Variants in EYA4 observed in about 807,000 individuals in gnomAD.
EYA4 encodes protein phosphatase EYA4.
A neutral mutation model predicts 87.9 loss-of-function variants in EYA4; 31 were observed. That is an observed-to-expected ratio of 0.35 (90% CI 0.27 to 0.48). The LOEUF is 0.48. Ranked by LOEUF, EYA4 falls within the 20% of genes least tolerant of loss-of-function variation. The pLI is 0.99. For missense variants in EYA4, 678 were observed against 761.4 expected (o/e 0.89, Z 1.29); for synonymous variants, 263 against 270.6 (o/e 0.97, Z 0.28).
chr6:133,513,112 A>G, intron 16 of EYA4, 74 bp downstream of exon 16: 2 of 1,402,900 alleles, frequency 1.4e-6, no homozygotes, highest in Non-Finnish European at 2.0e-6. Flanking sequence ...TTCATGTTAA[A>G]GATGATTCTG....
intron 3 of EYA4, among the ~76,000 whole-genome samples, chr6:133,446,330 A>AT (rs1792839955): frequency 6.6e-6 from 1 of 151,994 alleles, no homozygotes; most frequent in Admixed American, 6.6e-5. Flanking sequence ...TAACATGTTT[A>AT]TTTTTGTGTT....
chr6:133,455,579 A>G (rs1370202974), intron 5 of EYA4, among the ~76,000 whole-genome samples: 1 of 152,112 alleles, frequency 6.6e-6, no homozygotes, highest in Non-Finnish European at 1.5e-5. Context: ...GTACCCTATG[A>G]CTGACTGTTC....
chr6:133,361,535 T>C (rs1187288412), intron 2 of EYA4, among the ~76,000 whole-genome samples: 1 of 152,158 alleles, frequency 6.6e-6, no homozygotes. Flanking sequence ...CCAGCATCTG[T>C]GAAATTGTGG....
chr6:133,529,937 TA>T lies in EYA4; in HGVS notation c.*1135del. 2.0e-6 allele frequency: 2 copies of T among 985,348 alleles called. No homozygotes were observed. The highest frequency in any genetic ancestry group is 2.4e-6 in the Non-Finnish European group (2 of 829,878). The allele number at this position is 985,348 out of a possible 1,614,324, so 61.0% of individuals were successfully genotyped here. ...ATGCAAATCATGAGCAATTATCACA[TA>T]AACTTTTTTAGAATGTGCCATGAAC... is the stretch of plus-strand genomic sequence containing the variant. On this transcript the variant is annotated 3_prime_UTR_variant, in exon 20 of 20. Coordinates refer to ENST00000355286, the MANE Select transcript of EYA4 (RefSeq NM_004100.5).
At chr6:133,388,331 TG>T (rs925672332) in intron 3 of EYA4, among the ~76,000 whole-genome samples, 21 of 147,370 alleles carry the variant, frequency 1.4e-4, no homozygotes, top group African/African-American at 5.3e-4. Flanking sequence ...CGCTTGAACC[TG>T]GGGGGCGGAG....
intron 2 of EYA4, among the ~76,000 whole-genome samples, chr6:133,357,270 CAAAAAAAAAAA>C (rs754202361): frequency 9.2e-5 from 6 of 65,320 alleles, no homozygotes; most frequent in African/African-American, 4.0e-4. Context: ...GACTCCGTCT[CAAAAAAAAAAA>C]AAAAAAAAAA....
At chr6:133,506,997 T>C (rs1470273952) in intron 14 of EYA4, among the ~76,000 whole-genome samples, 1 of 151,288 alleles carries the variant, frequency 6.6e-6, no homozygotes, top group South Asian at 2.1e-4. Flanking sequence ...CTCTTTCATT[T>C]TTTTTCAGAT....
intron 2 of EYA4, among the ~76,000 whole-genome samples, chr6:133,354,379 G>A (rs1212522225): frequency 6.6e-6 from 1 of 152,018 alleles, no homozygotes; most frequent in Non-Finnish European, 1.5e-5. Flanking sequence ...TGACATTGTT[G>A]AAAAGTCATA....
intron 1 of EYA4, among the ~76,000 whole-genome samples, chr6:133,258,205 G>T (rs1027162932): frequency 3.3e-5 from 5 of 152,124 alleles, no homozygotes; most frequent in Non-Finnish European, 7.3e-5. Flanking sequence ...GGGGCATAGA[G>T]TGGGGACGAG....
chr6:133,334,181 A>G (rs1459902774), intron 2 of EYA4, among the ~76,000 whole-genome samples: 1 of 152,250 alleles, frequency 6.6e-6, no homozygotes, highest in Admixed American at 6.5e-5. Context: ...CTTACAAGAC[A>G]ACAGAAATTC....
intron 3 of EYA4, among the ~76,000 whole-genome samples, chr6:133,399,927 T>C (rs186359800): frequency 6.6e-6 from 1 of 152,298 alleles, no homozygotes; most frequent in Non-Finnish European, 1.5e-5. Flanking sequence ...TGGGAAAACA[T>C]AGAAGGAACA....
At chr6:133,487,285 G>T (rs1796763004) in intron 13 of EYA4, among the ~76,000 whole-genome samples, 1 of 152,184 alleles carries the variant, frequency 6.6e-6, no homozygotes, top group Non-Finnish European at 1.5e-5. Flanking sequence ...GTGCTCTGGG[G>T]TCCAGGCAGT....
intron 2 of EYA4, among the ~76,000 whole-genome samples, chr6:133,306,016 G>A (rs542696260): frequency 4.0e-4 from 61 of 152,022 alleles, no homozygotes; most frequent in African/African-American, 1.4e-3. Context: ...CTTCTAAATG[G>A]TATGTTTGAT....
chr6:133,300,364 T>C (rs1304066104), intron 2 of EYA4, among the ~76,000 whole-genome samples: 2 of 152,138 alleles, frequency 1.3e-5, no homozygotes, highest in Non-Finnish European at 2.9e-5. Context: ...CATCTACTGT[T>C]AAATATTAAT....
intron 2 of EYA4, among the ~76,000 whole-genome samples, chr6:133,316,566 A>G (rs1780637827): frequency 6.6e-6 from 1 of 152,148 alleles, no homozygotes; most frequent in African/African-American, 2.4e-5. Flanking sequence ...CAACCTACCA[A>G]TTCCACGACT....
chr6:133,491,869 G>A (rs1013088171), intron 13 of EYA4, among the ~76,000 whole-genome samples: 9 of 149,910 alleles, frequency 6.0e-5, no homozygotes, highest in East Asian at 2.0e-4. Flanking sequence ...GGAGAAGGGC[G>A]TGAACCTGGG....
chr6:133,463,314 T>A (rs973636135), intron 9 of EYA4, among the ~76,000 whole-genome samples: 14 of 151,878 alleles, frequency 9.2e-5, no homozygotes, highest in African/African-American at 2.4e-4. Context: ...GATCATTAAA[T>A]TTTTTTAAAT....
At chr6:133,295,291 G>A (rs1051753028) in intron 2 of EYA4, among the ~76,000 whole-genome samples, 1 of 152,156 alleles carries the variant, frequency 6.6e-6, no homozygotes, top group Non-Finnish European at 1.5e-5. Flanking sequence ...ATTAATGCTA[G>A]GACTCTAAGC....
intron 11 of EYA4, among the ~76,000 whole-genome samples, chr6:133,473,985 A>G (rs1027280306): frequency 6.6e-6 from 1 of 152,028 alleles, no homozygotes; most frequent in Non-Finnish European, 1.5e-5. Flanking sequence ...AGAATGAATG[A>G]TTTCAGAATC....
Sources: allele counts gnomAD v4.1 joint callset (sites outside exome capture counted in the v4.1 genomes callset), GRCh38; gene constraint gnomAD v4.1.1; transcripts MANE v1.5; gene names NCBI Gene and HGNC (gene_info 2026-07-23, HGNC 2026-07-21).